TMEM132D: variants seen among roughly 807,000 people sequenced by gnomAD.
The protein encoded by TMEM132D is transmembrane protein 132D.
Under a neutral mutation model 62.3 loss-of-function variants are expected in TMEM132D, and 21 were observed. The ratio of observed to expected loss-of-function variants is 0.34; its 90% CI spans 0.24 to 0.49. The LOEUF is 0.49. Among genes scored for constraint, TMEM132D ranks in the 20% least tolerant of loss-of-function variants. The probability of loss-of-function intolerance (pLI) is 0.99; values close to 1 mark genes in which losing one functional copy is unlikely to be tolerated. For synonymous variants in TMEM132D, 621 were observed against 575.6 expected, an observed-to-expected ratio of 1.08 and a Z score of -1.13; for missense variants, 1,346 against 1,402.8, an observed-to-expected ratio of 0.96 and a Z score of 0.65.
At chr12:129,455,570 G>A (rs1873438371) in intron 3 of TMEM132D, among the ~76,000 whole-genome samples, 1 of 152,192 alleles carries the variant, frequency 6.6e-6, no homozygotes, top group African/African-American at 2.4e-5. Flanking sequence ...GAAGGAGCTG[G>A]GGAAGGCTTC....
chr12:129,292,716 T>G (rs1480708627), intron 4 of TMEM132D, among the ~76,000 whole-genome samples: 1 of 152,188 alleles, frequency 6.6e-6, no homozygotes, highest in Admixed American at 6.5e-5. Context: ...TAATAGCACA[T>G]AATTACCAAT....
intron 3 of TMEM132D, among the ~76,000 whole-genome samples, chr12:129,492,796 T>C (rs924315489): frequency 6.6e-6 from 1 of 152,170 alleles, no homozygotes; most frequent in African/African-American, 2.4e-5. Flanking sequence ...CACTAAGGTC[T>C]ACCCATGAAC....
intron 3 of TMEM132D, among the ~76,000 whole-genome samples, chr12:129,360,421 A>C (rs966226333): frequency 6.6e-6 from 1 of 152,334 alleles, no homozygotes; most frequent in East Asian, 1.9e-4. Context: ...CTTTCATGTA[A>C]AGACCCGAAG....
chr12:129,902,732 C>G (rs1875400670), intron 1 of TMEM132D, among the ~76,000 whole-genome samples: 1 of 152,166 alleles, frequency 6.6e-6, no homozygotes, highest in Non-Finnish European at 1.5e-5. Context: ...ACCCATCCCC[C>G]TTCTTCAGAG....
intron 1 of TMEM132D, among the ~76,000 whole-genome samples, chr12:129,866,954 A>T (rs956792252): frequency 6.6e-6 from 1 of 152,172 alleles, no homozygotes; most frequent in African/African-American, 2.4e-5. Flanking sequence ...CTTAGTCTTA[A>T]AAAAGAAATC....
intron 3 of TMEM132D, among the ~76,000 whole-genome samples, chr12:129,436,934 T>A (rs1872802637): frequency 2.0e-5 from 3 of 152,158 alleles, no homozygotes; most frequent in Admixed American, 6.5e-5. Flanking sequence ...AAATAGTAAA[T>A]AATGTATTTA....
chr12:129,839,351 C>T (rs566648112), intron 1 of TMEM132D, among the ~76,000 whole-genome samples: 1 of 151,862 alleles, frequency 6.6e-6, no homozygotes, highest in Admixed American at 6.6e-5. Context: ...TGGTCTCGAA[C>T]TCCTGACCTT....
At chr12:129,093,070 C>G (rs1874983475) in intron 5 of TMEM132D, among the ~76,000 whole-genome samples, 1 of 152,174 alleles carries the variant, frequency 6.6e-6, no homozygotes, top group Non-Finnish European at 1.5e-5. Flanking sequence ...GACACAGTTC[C>G]AAATGGATGC....
chr12:129,490,669 G>T lies in TMEM132D; in HGVS notation c.1115+40390C>A, dbSNP rs574245929. 3.0e-5 allele frequency among the ~76,000 whole-genome samples: 4 copies of T among 132,066 alleles called. No homozygotes were observed. The East Asian group carries it at 9.1e-4, about 30-fold the overall frequency. 86.6% of individuals were successfully genotyped at this position (132,066 alleles called of 152,430 possible). ...GGGGTTTCACCGTGTTAGCCAGGAT[G>T]GTCTCCATCTCCTGACCTCGTGATC... On this transcript the variant is annotated intron_variant, in intron 3 of 8. Transcript: ENST00000422113.
chr12:129,121,475 G>A (rs1026367360), intron 5 of TMEM132D, among the ~76,000 whole-genome samples: 2 of 152,110 alleles, frequency 1.3e-5, no homozygotes, highest in South Asian at 4.1e-4. Flanking sequence ...AGTTAGAAAG[G>A]GGCAAAAGAG....
At chr12:129,678,457 G>A (rs1036164146) in intron 2 of TMEM132D, among the ~76,000 whole-genome samples, 1 of 152,076 alleles carries the variant, frequency 6.6e-6, no homozygotes, top group African/African-American at 2.4e-5. Flanking sequence ...TTTATAAAAT[G>A]TCTGTTCATA....
At chr12:129,223,697 T>A (rs1015397019) in intron 4 of TMEM132D, among the ~76,000 whole-genome samples, 2 of 152,232 alleles carry the variant, frequency 1.3e-5, no homozygotes, top group Non-Finnish European at 1.5e-5. Context: ...CTAAAGCTCC[T>A]CTTTGGTTCA....
At chr12:129,666,938 CTT>C (rs1260451921) in intron 2 of TMEM132D, among the ~76,000 whole-genome samples, 1 of 152,062 alleles carries the variant, frequency 6.6e-6, no homozygotes, top group Non-Finnish European at 1.5e-5. Context: ...ATTTTCTTAA[CTT>C]AGAGTAACGG....
chr12:129,105,000 C>T (rs1875445742), intron 5 of TMEM132D, among the ~76,000 whole-genome samples: 1 of 146,560 alleles, frequency 6.8e-6, no homozygotes, highest in Non-Finnish European at 1.5e-5. Flanking sequence ...CCTCAGGGAT[C>T]TAGAACTGGA....
At chr12:129,482,556 G>A (rs894117371) in intron 3 of TMEM132D, among the ~76,000 whole-genome samples, 2 of 152,202 alleles carry the variant, frequency 1.3e-5, no homozygotes, top group Non-Finnish European at 2.9e-5. Flanking sequence ...ATGAGGTGGA[G>A]ATTGCTGAAT....
intron 1 of TMEM132D, among the ~76,000 whole-genome samples, chr12:129,734,252 A>G (rs1218239036): frequency 2.6e-5 from 4 of 152,202 alleles, no homozygotes; most frequent in Non-Finnish European, 5.9e-5. Flanking sequence ...ATGAACAAAG[A>G]GAACGTACTT....
At chr12:129,710,812 C>T (rs951515748) in intron 1 of TMEM132D, among the ~76,000 whole-genome samples, 4 of 152,134 alleles carry the variant, frequency 2.6e-5, no homozygotes, top group South Asian at 4.1e-4. Context: ...TCTTCCCTTC[C>T]GCCGCCTCCT....
At chr12:129,537,174 AT>A (rs1377554414) in intron 2 of TMEM132D, among the ~76,000 whole-genome samples, 98 of 151,394 alleles carry the variant, frequency 6.5e-4, no homozygotes, top group African/African-American at 2.4e-3. Flanking sequence ...AAAAAAAAAA[AT>A]TCATATGCAA....
chr12:129,235,251 A>G (rs748139194), intron 4 of TMEM132D, among the ~76,000 whole-genome samples: 87 of 152,164 alleles, frequency 5.7e-4, no homozygotes, highest in Non-Finnish European at 9.0e-4. Flanking sequence ...TTCTTCTAAG[A>G]GATCACTTTC....
Sources: allele counts gnomAD v4.1 joint callset (sites outside exome capture counted in the v4.1 genomes callset), GRCh38; gene constraint gnomAD v4.1.1; transcripts MANE v1.5; gene names NCBI Gene and HGNC (gene_info 2026-07-23, HGNC 2026-07-21).